NRXN3: variants seen among roughly 807,000 people sequenced by gnomAD.
The protein encoded by NRXN3 is neurexin III.
A neutral mutation model predicts 137.6 loss-of-function variants in NRXN3; 32 were observed. That is an observed-to-expected ratio of 0.23 (90% CI 0.18 to 0.31). The LOEUF is 0.31. Ranked by LOEUF, NRXN3 falls within the 10% of genes least tolerant of loss-of-function variation. NRXN3 has a pLI of 1.00. For synonymous variants in NRXN3, 798 were observed against 784.5 expected, an observed-to-expected ratio of 1.02 and a Z score of -0.29; for missense variants, 1,574 against 2,062.5, an observed-to-expected ratio of 0.76 and a Z score of 4.59.
intron 4 of NRXN3, among the ~76,000 whole-genome samples, chr14:78,642,182 A>T (rs2097641627): frequency 6.6e-6 from 1 of 152,236 alleles, no homozygotes; most frequent in African/African-American, 2.4e-5. Flanking sequence ...AAGATAATGA[A>T]TATTTAGACT....
At chr14:79,760,868 C>T (rs2099036054) in intron 19 of NRXN3, 2 of 151,674 alleles carry the variant, frequency 1.3e-5, no homozygotes, top group South Asian at 2.1e-4. Flanking sequence ...CGAGGCATCA[C>T]CTCAGCTCAG....
At chr14:78,239,935 C>T (rs1370252840) in intron 1 of NRXN3, among the ~76,000 whole-genome samples, 1 of 152,228 alleles carries the variant, frequency 6.6e-6, no homozygotes, top group African/African-American at 2.4e-5. Flanking sequence ...AACTCCTGAC[C>T]TCAGGTGATC....
chr14:78,978,325 A>G (rs1005815518), intron 14 of NRXN3, among the ~76,000 whole-genome samples: 3 of 152,148 alleles, frequency 2.0e-5, no homozygotes, highest in Admixed American at 6.5e-5. Flanking sequence ...ATTTTATAAT[A>G]AGATTTAGGA....
chr14:79,533,483 C>G (rs1340390797), intron 16 of NRXN3, among the ~76,000 whole-genome samples: 1 of 152,188 alleles, frequency 6.6e-6, no homozygotes, highest in East Asian at 1.9e-4. Context: ...CTTACTTTGA[C>G]ACAGCTCAGA....
At chr14:78,729,698 ACACATG>A (rs1206537415) in intron 8 of NRXN3, among the ~76,000 whole-genome samples, 9 of 152,146 alleles carry the variant, frequency 5.9e-5, no homozygotes, top group African/African-American at 2.2e-4. Flanking sequence ...ACAAACACAC[ACACATG>A]CACATGCACA....
intron 16 of NRXN3, among the ~76,000 whole-genome samples, chr14:79,500,204 T>G (rs1016472961): frequency 1.4e-5 from 2 of 145,418 alleles, no homozygotes; most frequent in Admixed American, 7.2e-5. Flanking sequence ...AAATCTGAGT[T>G]TTAGCATAAT....
intron 10 of NRXN3, among the ~76,000 whole-genome samples, chr14:78,820,879 G>C (rs1016431754): frequency 6.6e-6 from 1 of 152,142 alleles, no homozygotes; most frequent in African/African-American, 2.4e-5. Flanking sequence ...TATTTGGATG[G>C]TTATGAACTC....
chr14:78,917,095 G>C (rs149912731), intron 10 of NRXN3, among the ~76,000 whole-genome samples: 78 of 152,302 alleles, frequency 5.1e-4, no homozygotes, highest in African/African-American at 1.8e-3. Flanking sequence ...CAACATACGA[G>C]TGTTTGGAGG....
At chr14:78,371,045 G>C (rs2086730171) in intron 4 of NRXN3, among the ~76,000 whole-genome samples, 1 of 152,154 alleles carries the variant, frequency 6.6e-6, no homozygotes. Flanking sequence ...ATGGGTAGGA[G>C]GCAGGGAAAT....
intron 16 of NRXN3, among the ~76,000 whole-genome samples, chr14:79,472,189 T>C (rs2096518776): frequency 1.3e-5 from 2 of 152,242 alleles, no homozygotes; most frequent in Admixed American, 1.3e-4. Context: ...TTTTTATGGC[T>C]GAAGAGCACA....
intron 15 of NRXN3, among the ~76,000 whole-genome samples, chr14:79,233,521 G>A (rs2153282670): frequency 6.6e-6 from 1 of 152,150 alleles, no homozygotes; most frequent in Non-Finnish European, 1.5e-5. Flanking sequence ...TCCGTGATTT[G>A]GTTCTAAGAG....
intron 15 of NRXN3, among the ~76,000 whole-genome samples, chr14:79,361,149 G>A (rs1198280671): frequency 6.6e-6 from 1 of 152,184 alleles, no homozygotes; most frequent in African/African-American, 2.4e-5. Context: ...GGGGCTGAAA[G>A]TGGTAACAAC....
At chr14:79,082,419 G>GTGTGTGTGTA (rs1303385863) in intron 15 of NRXN3, among the ~76,000 whole-genome samples, 1 of 151,728 alleles carries the variant, frequency 6.6e-6, no homozygotes, top group Non-Finnish European at 1.5e-5. Context: ...GTGTGTGTGT[G>GTGTGTGTGTA]TAGACACAGC....
rs142795655 is a variant in NRXN3, at chr14:78,560,028, T to C, written c.758-85092T>C. 2.2e-4 allele frequency among the ~76,000 whole-genome samples: 33 copies of C among 152,366 alleles called. 1 individual carries two copies. The East Asian group carries it at 5.8e-3, about 27-fold the overall frequency. ...TTGCAAGACTCCAGTAAGTGTTTTC[T>C]GAAATAAATTGTCTGATCTCTCGAA... On this transcript the variant is annotated intron_variant, in intron 4 of 20. Coordinates refer to ENST00000335750, the MANE Select transcript of NRXN3 (RefSeq NM_001330195.2).
chr14:78,748,995 C>T (rs17757563), intron 8 of NRXN3, among the ~76,000 whole-genome samples: 72,204 of 152,058 alleles, frequency 0.47, 20,827 homozygotes, highest in Admixed American at 0.65. Context: ...TGAGGCATAA[C>T]GACCCAACTC....
At chr14:78,615,037 G>A (rs1425328113) in intron 4 of NRXN3, 2 of 456,484 alleles carry the variant, frequency 4.4e-6, no homozygotes, top group Non-Finnish European at 8.8e-6. Context: ...ACGAAGGTAG[G>A]GATGCTCCTC....
intron 15 of NRXN3, among the ~76,000 whole-genome samples, chr14:79,108,375 T>C (rs1275723085): frequency 6.6e-6 from 1 of 152,168 alleles, no homozygotes; most frequent in Non-Finnish European, 1.5e-5. Flanking sequence ...ATATCCATCA[T>C]CCAGAGTTTT....
chr14:79,411,729 T>C (rs567019211), intron 15 of NRXN3, among the ~76,000 whole-genome samples: 3 of 152,194 alleles, frequency 2.0e-5, no homozygotes, highest in Non-Finnish European at 4.4e-5. Flanking sequence ...TATCTGTCAT[T>C]CATTCATTTA....
intron 15 of NRXN3, among the ~76,000 whole-genome samples, chr14:79,412,808 G>T (rs973560527): frequency 1.9e-5 from 2 of 103,896 alleles, no homozygotes; most frequent in Non-Finnish European, 4.4e-5. Context: ...AAAAAAAAAA[G>T]GCTGAGATCA....
Sources: gnomAD v4.1 joint callset for allele counts (sites outside exome capture counted in the v4.1 genomes callset) on GRCh38, gnomAD v4.1.1 for gene constraint, MANE v1.5 for transcripts, NCBI Gene and HGNC (gene_info 2026-07-23, HGNC 2026-07-21) for gene names.